NRXN3: variants seen among roughly 807,000 people sequenced by gnomAD.
NRXN3 encodes neurexin 3, also known as neurexin III.
Under a neutral mutation model 137.6 loss-of-function variants are expected in NRXN3, and 32 were observed. The observed-to-expected ratio is 0.23, with a 90% CI of 0.18 to 0.31. The LOEUF is 0.31. Among genes scored for constraint, NRXN3 ranks in the 10% least tolerant of loss-of-function variants. The pLI, the probability that NRXN3 is intolerant of heterozygous loss-of-function variation, is 1.00. For synonymous variants in NRXN3, 798 were observed against 784.5 expected (o/e 1.02, Z -0.29); for missense variants, 1,574 against 2,062.5 (o/e 0.76, Z 4.59).
At chr14:79,766,818 T>C (rs1396208927) in intron 19 of NRXN3, among the ~76,000 whole-genome samples, 1 of 152,164 alleles carries the variant, frequency 6.6e-6, no homozygotes, top group Admixed American at 6.5e-5. Context: ...AAGAAGGGCA[T>C]GGTTGGCAGA....
intron 15 of NRXN3, among the ~76,000 whole-genome samples, chr14:79,339,354 C>CA (rs1332067940): frequency 2.0e-5 from 3 of 152,202 alleles, no homozygotes; most frequent in African/African-American, 7.2e-5. Flanking sequence ...TCAGAATCCC[C>CA]AGGAGGGCTT....
At chr14:79,308,922 TTTA>T (rs2086662786) in intron 15 of NRXN3, among the ~76,000 whole-genome samples, 1 of 147,076 alleles carries the variant, frequency 6.8e-6, no homozygotes, top group East Asian at 2.0e-4. Context: ...TATTTATTTA[TTTA>T]TTTTTTAATT....
chr14:79,416,835 T>C (rs1395781659), intron 15 of NRXN3, among the ~76,000 whole-genome samples: 1 of 152,204 alleles, frequency 6.6e-6, no homozygotes, highest in African/African-American at 2.4e-5. Context: ...TACATGGCAG[T>C]CCTTGGTTGG....
intron 15 of NRXN3, among the ~76,000 whole-genome samples, chr14:78,999,421 A>G (rs1476397932): frequency 1.3e-5 from 2 of 152,294 alleles, no homozygotes; most frequent in Admixed American, 6.5e-5. Context: ...CAGATACTCA[A>G]AATATATTTG....
intron 4 of NRXN3, among the ~76,000 whole-genome samples, chr14:78,351,319 A>G (rs66542227): frequency 0.079 from 12,009 of 152,276 alleles, 640 homozygotes; most frequent in East Asian, 0.29. Context: ...TTTTGCATAC[A>G]TGAATGAGGA....
chr14:78,359,816 A>C (rs894780998), intron 4 of NRXN3, among the ~76,000 whole-genome samples: 1 of 152,136 alleles, frequency 6.6e-6, no homozygotes, highest in African/African-American at 2.4e-5. Context: ...GAGTCTGTCT[A>C]TCTAGGCGGG....
chr14:78,584,294 A>G (rs1479596212), intron 4 of NRXN3, among the ~76,000 whole-genome samples: 1 of 152,208 alleles, frequency 6.6e-6, no homozygotes, highest in Non-Finnish European at 1.5e-5. Context: ...GCTTTTGGTC[A>G]TCAGTATTTT....
Position 79,023,043 on chromosome 14 carries a change from G to C in NRXN3, c.3262+34902G>C, listed in dbSNP as rs188451132. ...GGGCACCTCTCCTGCTAAGCACTTT[G>C]GTTGATGGAGGGCAGCGGGTGGCTT... is the stretch of plus-strand genomic sequence containing the variant. On this transcript the variant is annotated intron_variant, in intron 15 of 20. Coordinates refer to ENST00000335750, the MANE Select transcript of NRXN3 (RefSeq NM_001330195.2). Among the ~76,000 whole-genome samples, 6 of 151,794 alleles carry C rather than the reference G, an allele frequency of 4.0e-5. No homozygotes were observed. In the East Asian group the frequency reaches 9.7e-4, roughly 25 times the overall value.
At chr14:79,133,780 T>C (rs552008673) in intron 15 of NRXN3, among the ~76,000 whole-genome samples, 2 of 149,534 alleles carry the variant, frequency 1.3e-5, no homozygotes, top group Middle Eastern at 3.5e-3. Flanking sequence ...AAAAAAAAAA[T>C]TAGGTGGGCG....
At chr14:79,037,508 G>A (rs1211015211) in intron 15 of NRXN3, among the ~76,000 whole-genome samples, 1 of 152,032 alleles carries the variant, frequency 6.6e-6, no homozygotes, top group Non-Finnish European at 1.5e-5. Flanking sequence ...TTAAAATCGG[G>A]GTGAAGCAAG....
In NRXN3 at chr14:79,765,458, G is replaced by A. The variant is rs531166502; in HGVS notation, c.4015-39654G>A. 7.9e-4 allele frequency among the ~76,000 whole-genome samples: 120 copies of A among 152,062 alleles called. 3 individuals carry two copies. In the South Asian group the frequency reaches 0.02, roughly 25 times the overall value. On this transcript the variant is annotated intron_variant, in intron 19 of 20. Transcript: ENST00000335750. ...ATGCAACAGTGCACCTTTTACATTC[G>A]TTTGGCTTATGTGCTCTTGCAATAA...
chr14:79,752,261 G>A (rs938285119), intron 19 of NRXN3, among the ~76,000 whole-genome samples: 1 of 151,996 alleles, frequency 6.6e-6, no homozygotes, highest in Non-Finnish European at 1.5e-5. Context: ...CCTGTTATTG[G>A]TCTATTCAGA....
intron 15 of NRXN3, among the ~76,000 whole-genome samples, chr14:79,321,648 A>G (rs936612458): frequency 1.3e-5 from 2 of 151,776 alleles, no homozygotes; most frequent in East Asian, 1.9e-4. Flanking sequence ...ACATACACAT[A>G]TATGTGTATA....
At chr14:78,629,619 A>T (rs908635434) in intron 4 of NRXN3, among the ~76,000 whole-genome samples, 2 of 152,250 alleles carry the variant, frequency 1.3e-5, no homozygotes, top group African/African-American at 4.8e-5. Flanking sequence ...CATTCCATAC[A>T]ACGTAATTAG....
At chr14:79,123,167 G>C (rs979718603) in intron 15 of NRXN3, among the ~76,000 whole-genome samples, 1 of 152,104 alleles carries the variant, frequency 6.6e-6, no homozygotes, top group Non-Finnish European at 1.5e-5. Context: ...GTTGACTCCT[G>C]TCCATCCAGA....
rs141317611 is a variant in NRXN3, at chr14:78,285,179, G to A, written c.727+6517G>A. On this transcript the variant is annotated intron_variant, in intron 3 of 20. Coordinates refer to ENST00000335750, the MANE Select transcript of NRXN3 (RefSeq NM_001330195.2). Reference sequence around the variant, plus strand: ...GACCATCTGACTGAGATACCTTGGGGAATAGCAACCAGGAGAATGCCTTCT... The same window carrying A: ...GACCATCTGACTGAGATACCTTGGGAAATAGCAACCAGGAGAATGCCTTCT... Among the ~76,000 whole-genome samples, 100 of 152,256 alleles carry A rather than the reference G, an allele frequency of 6.6e-4. 1 individual carries two copies. In the East Asian group the frequency reaches 0.015, roughly 24 times the overall value.
At chr14:79,772,985 C>G (rs1316993324) in intron 19 of NRXN3, among the ~76,000 whole-genome samples, 1 of 152,130 alleles carries the variant, frequency 6.6e-6, no homozygotes, top group Admixed American at 6.5e-5. Flanking sequence ...ACAGACACTT[C>G]TCAAAAGAAG....
intron 15 of NRXN3, among the ~76,000 whole-genome samples, chr14:79,080,982 T>C (rs528126956): frequency 6.6e-6 from 1 of 152,330 alleles, no homozygotes; most frequent in East Asian, 1.9e-4. Flanking sequence ...TGTTTTGTTT[T>C]GGTTTTTGAA....
intron 15 of NRXN3, among the ~76,000 whole-genome samples, chr14:78,990,156 A>C (rs1365434852): frequency 2.0e-5 from 3 of 152,188 alleles, no homozygotes; most frequent in Non-Finnish European, 4.4e-5. Context: ...CACAGTTCAA[A>C]AACATTTCTA....
Sources: gnomAD v4.1 joint callset for allele counts (sites outside exome capture counted in the v4.1 genomes callset) on GRCh38, gnomAD v4.1.1 for gene constraint, MANE v1.5 for transcripts, NCBI Gene and HGNC (gene_info 2026-07-23, HGNC 2026-07-21) for gene names.